The following NCOR1 variants were observed in gnomAD, a reference collection of about 807,000 sequenced individuals.
NCOR1 encodes nuclear receptor corepressor 1, also known as protein phosphatase 1, regulatory subunit 109.
In NCOR1, 63 loss-of-function variants were observed where a neutral mutation model predicts 288.1. The ratio of observed to expected loss-of-function variants is 0.22; its 90% CI spans 0.18 to 0.27. The LOEUF is 0.27. Among genes scored for constraint, NCOR1 ranks in the 10% least tolerant of loss-of-function variants. The pLI is 1.00. For missense variants in NCOR1, 2,397 were observed against 3,019.2 expected (o/e 0.79, Z 4.83); for synonymous variants, 1,007 against 1,065.9 (o/e 0.94, Z 1.08).
chr17:16,175,834 TA>T (rs66939235), intron 3 of NCOR1, among the ~76,000 whole-genome samples: 74,993 of 144,772 alleles, frequency 0.52, 19,331 homozygotes, highest in Middle Eastern at 0.59. Context: ...TTGTCTCTTT[TA>T]AAAAAAAAAA....
intron 2 of NCOR1, among the ~76,000 whole-genome samples, chr17:16,189,793 A>T (rs80212334): frequency 1.4e-3 from 215 of 152,350 alleles, no homozygotes; most frequent in Non-Finnish European, 2.4e-3. Flanking sequence ...TATAAGTTTG[A>T]TGAAATAAAA....
At chr17:16,191,235 A>G (rs557961919) in intron 2 of NCOR1, among the ~76,000 whole-genome samples, 1 of 152,342 alleles carries the variant, frequency 6.6e-6, no homozygotes, top group Admixed American at 6.5e-5. Context: ...AATTTCTTCC[A>G]GCAAGAGTGA....
intron 6 of NCOR1, among the ~76,000 whole-genome samples, chr17:16,154,394 A>C (rs1211152455): frequency 2.6e-5 from 4 of 152,198 alleles, no homozygotes; most frequent in Non-Finnish European, 5.9e-5. Flanking sequence ...TGTGCCAAGC[A>C]CTCACTAGAC....
intron 17 of NCOR1, among the ~76,000 whole-genome samples, chr17:16,118,556 G>A (rs778400192): frequency 2.6e-5 from 4 of 152,004 alleles, no homozygotes; most frequent in South Asian, 2.1e-4. Context: ...AGAAACCTAT[G>A]CAATTTAACA....
rs759829369 is a variant in NCOR1, at chr17:16,117,999, T to C, written c.1944A>G (p.Ala648=). 3.1e-6 allele frequency: 5 copies of C among 1,613,774 alleles called. No individual in the cohort carries two copies. The African/African-American group carries it at 5.3e-5, about 17-fold the overall frequency. ...TCGTTCCCACCATTTTAGCAATTGC[T>C]GCCCAGTTACGACCATGTTCTACTA... The part of the protein sequence containing the change: ...KGLVEHGRNW[A]AIAKMVGTKS... Residue 648 remains alanine (A), a synonymous_variant, in exon 18 of 46, where the codon GCA becomes GCG. Coordinates refer to ENST00000268712, the MANE Select transcript of NCOR1 (RefSeq NM_006311.4).
In NCOR1 at chr17:16,073,452, G is replaced by C; in HGVS notation, c.3788C>G (p.Ser1263Cys). ...ACCCTCTAACGGTGCTGATACAGGA[G>C]ACTCCCTCATTGACATCCCTTGCTT... Reference protein sequence around the residue: ...NIKQGMSMRESPVSAPLEGLI... With the variant: ...NIKQGMSMRECPVSAPLEGLI... The change falls in exon 28 of 46, where the codon TCT becomes TGT. Residue 1263 changes from serine (S) to cysteine (C), a missense_variant. Coordinates refer to ENST00000268712, the MANE Select transcript of NCOR1 (RefSeq NM_006311.4). 2 of 1,608,028 alleles carry C rather than the reference G, an allele frequency of 1.2e-6. No individual in the cohort carries two copies. The highest frequency in any genetic ancestry group is 2.3e-5 in the East Asian group (1 of 44,444).
chr17:16,092,119 A>G (rs867590630), intron 21 of NCOR1, 61 bp from the exon 22 acceptor site: 1 of 1,557,282 alleles, frequency 6.4e-7, no homozygotes. Flanking sequence ...CCATCTCTTA[A>G]CAAGTAATGT....
chr17:16,137,150 TATATAA>T (rs2076558198), intron 14 of NCOR1, among the ~76,000 whole-genome samples, 155 bp downstream of exon 14: 1 of 152,158 alleles, frequency 6.6e-6, no homozygotes, highest in Non-Finnish European at 1.5e-5. Context: ...ATACATTAAA[TATATAA>T]ATATAACTTC....
intron 21 of NCOR1, among the ~76,000 whole-genome samples, chr17:16,094,717 G>A (rs1240189969): frequency 1.3e-5 from 2 of 152,144 alleles, no homozygotes; most frequent in East Asian, 1.9e-4. Context: ...GGCGCGCGCC[G>A]CCACGCCTGA....
At chr17:16,038,857 G>A (rs1367314752) in intron 44 of NCOR1, among the ~76,000 whole-genome samples, 1 of 152,080 alleles carries the variant, frequency 6.6e-6, no homozygotes, top group Non-Finnish European at 1.5e-5. Flanking sequence ...AGCAACCTCC[G>A]CCTCTCGGGT....
rs1466150341 is a variant in NCOR1 at position 16,031,219 on chromosome 17, G to A, written c.*1077C>T. The A allele has an allele frequency of 5.0e-6, 1 of 199,668 alleles. No homozygotes were observed. Among genetic ancestry groups the A allele is most frequent in the African/African-American group, 2.3e-5 (1 of 43,496 alleles). The allele number at this position is 199,668 out of a possible 1,614,324, so 12.4% of individuals were successfully genotyped here. A position where few individuals can be genotyped will look rare whatever the true frequency, so the allele number is the denominator to read the frequency against. The stretch of plus-strand genomic sequence containing the variant: ...AGAGTAAATGCTGGTCCATAGTGAT[G>A]GGGAAAAAGGACTGTGTTCACCATG... On this transcript the variant is annotated 3_prime_UTR_variant, in exon 46 of 46. Coordinates refer to ENST00000268712, the MANE Select transcript of NCOR1 (RefSeq NM_006311.4).
chr17:16,146,591 T>A, intron 9 of NCOR1, 43 bp from the exon 10 acceptor site: 1 of 1,483,378 alleles, frequency 6.7e-7, no homozygotes, highest in Non-Finnish European at 9.1e-7. Flanking sequence ...TAAACTAAAC[T>A]CTGATTCTGA....
intron 1 of NCOR1, among the ~76,000 whole-genome samples, chr17:16,196,621 C>T (rs1022204111): frequency 2.6e-5 from 4 of 151,702 alleles, no homozygotes; most frequent in African/African-American, 7.3e-5. Context: ...GTCAGGAGAT[C>T]GAGACCATCC....
chr17:16,211,098 A>G (rs1274966685), intron 1 of NCOR1, among the ~76,000 whole-genome samples: 3 of 152,172 alleles, frequency 2.0e-5, no homozygotes, highest in African/African-American at 7.2e-5. Context: ...AGTGAACACT[A>G]TAATAGATAC....
At position 16,135,411 on chromosome 17, in the gene NCOR1, G is replaced by A. The variant is rs78160085; in HGVS notation, c.1509+1900C>T. ...GGCAAGCACCCATCCTTTGTCTTAC[G>A]GTACTGCACCCATCAGTGTACAAGT... On this transcript the variant is annotated intron_variant, in intron 14 of 45. Transcript: ENST00000268712. Among the ~76,000 whole-genome samples the A allele has an allele frequency of 6.9e-3, 1,042 of 152,064 alleles. 13 individuals are homozygous for A. Among genetic ancestry groups the A allele is most frequent in the African/African-American group, 0.022 (909 of 41,460 alleles).
intron 4 of NCOR1, among the ~76,000 whole-genome samples, chr17:16,166,391 A>G (rs1019433646): frequency 3.3e-5 from 5 of 152,196 alleles, no homozygotes; most frequent in African/African-American, 1.2e-4. Context: ...TCTAAATAAA[A>G]TATCAGTGGC....
intron 2 of NCOR1, among the ~76,000 whole-genome samples, chr17:16,191,236 G>C (rs879537355): frequency 6.6e-6 from 1 of 152,158 alleles, no homozygotes; most frequent in Admixed American, 6.5e-5. Flanking sequence ...ATTTCTTCCA[G>C]CAAGAGTGAG....
intron 43 of NCOR1, 159 bp from the exon 44 acceptor site, chr17:16,039,813 G>A (rs977105510): frequency 1.5e-6 from 1 of 656,374 alleles, no homozygotes. Flanking sequence ...TTTGGAGACA[G>A]AGTCTCTCTC....
At chr17:16,192,951 T>C (rs1568592437) in intron 2 of NCOR1, among the ~76,000 whole-genome samples, 1 of 152,128 alleles carries the variant, frequency 6.6e-6, no homozygotes, top group African/African-American at 2.4e-5. Flanking sequence ...ATAGTTCCCA[T>C]GAAGCTCAGA....
Sources: gnomAD v4.1 joint callset for allele counts (sites outside exome capture counted in the v4.1 genomes callset) on GRCh38, gnomAD v4.1.1 for gene constraint, MANE v1.5 for transcripts, NCBI Gene and HGNC (gene_info 2026-07-23, HGNC 2026-07-21) for gene names.